The following ASB6 variants were observed in gnomAD, a reference collection of about 807,000 sequenced individuals.
ASB6 encodes ankyrin repeat and SOCS box protein 6.
Under a neutral mutation model 28.6 loss-of-function variants are expected in ASB6, and 24 were observed. The ratio of observed to expected loss-of-function variants is 0.84; its 90% CI spans 0.61 to 1.18. The LOEUF (loss-of-function observed/expected upper bound fraction) is 1.18. ASB6 is among the 50% of genes most tolerant of loss of function. The probability of loss-of-function intolerance (pLI) is 0.00; values close to 1 mark genes in which losing one functional copy is unlikely to be tolerated. For missense variants in ASB6, 519 were observed against 559.8 expected (o/e 0.93, Z 0.74); for synonymous variants, 267 against 243.4 (o/e 1.10, Z -0.90).
In ASB6 at chr9:129,642,031, G is replaced by C. The variant is rs759602092; in HGVS notation, c.-32C>G. The C allele has an allele frequency of 6.4e-7, 1 of 1,559,302 alleles. No individual in the cohort carries two copies. The highest frequency in any genetic ancestry group is 1.8e-5 in the Admixed American group (1 of 54,432). The stretch of plus-strand genomic sequence containing the variant: ...GGGCCCCGCGCAGCAGGGCCGTCGC[G>C]CTTTCTGCCGAGGCCGAGATGCCCA... On this transcript the variant is annotated 5_prime_UTR_variant, in exon 1 of 6. Coordinates refer to ENST00000277458, the MANE Select transcript of ASB6 (RefSeq NM_017873.4). This position sits in a 1 kb window ranked among gnomAD's most constrained non-coding sequence, Gnocchi z 4.3.
chr9:129,634,972 C>T lies in ASB6; in HGVS notation c.*2818G>A, dbSNP rs552653234. The T allele has an allele frequency of 2.1e-4, 115 of 548,708 alleles. 1 individual carries two copies. The South Asian group carries it at 2.5e-3, about 12-fold the overall frequency. The allele number at this position is 548,708 out of a possible 1,614,324, so 34.0% of individuals were successfully genotyped here. On this transcript the variant is annotated 3_prime_UTR_variant, in exon 6 of 6. Transcript: ENST00000277458. ...ATCAGGCAGGACTTGTAAGCCATCC[C>T]GTCAAGTCAAATTCTGGCTTAATGT...
Position 129,637,714 on chromosome 9 carries a change from T to C in ASB6, c.*76A>G. The C allele has an allele frequency of 7.2e-7, 1 of 1,385,392 alleles. No homozygotes were observed. The highest frequency in any genetic ancestry group is 9.7e-7 in the Non-Finnish European group (1 of 1,035,090). 85.8% of individuals were successfully genotyped at this position (1,385,392 alleles called of 1,614,324 possible). A position where few individuals can be genotyped will look rare whatever the true frequency, so the allele number is the denominator to read the frequency against. Reference sequence around the variant, plus strand: ...ATCTCCCAGATCAAAAAGACCCTCTTCTAATGCTGTCCCAGCATCTACCAA... The same window carrying C: ...ATCTCCCAGATCAAAAAGACCCTCTCCTAATGCTGTCCCAGCATCTACCAA... On this transcript the variant is annotated 3_prime_UTR_variant, in exon 6 of 6. Coordinates refer to ENST00000277458, the MANE Select transcript of ASB6 (RefSeq NM_017873.4).
Position 129,639,556 on chromosome 9 carries a change from T to C in ASB6, c.296-48A>G, listed in dbSNP as rs1164332449. 3 of 1,544,912 alleles carry C rather than the reference T, an allele frequency of 1.9e-6. No individual in the cohort carries two copies. The African/African-American group carries it at 4.1e-5, about 21-fold the overall frequency. ...TGTGGGTCCTATCTGTCCGCATTCT[T>C]ATGGGGCCCCCGGACCCAGAGCCCA... On this transcript the variant is annotated intron_variant, in intron 2 of 5. Coordinates refer to ENST00000277458, the MANE Select transcript of ASB6 (RefSeq NM_017873.4).
In ASB6 at chr9:129,637,889, C is replaced by T. The variant is rs200707909; in HGVS notation, c.1167G>A (p.Pro389=). The part of the protein sequence containing the change: ...CRVAIRLYLQ[P]WPVDVKVKAL... ...CTTTGACCTTCACATCCACAGGCCA[C>T]GGCTGAAGGTAGAGCCGGATGGCCA... The change falls in exon 6 of 6, where the codon CCG becomes CCA. Residue 389 remains proline, a synonymous_variant. Coordinates refer to ENST00000277458, the MANE Select transcript of ASB6 (RefSeq NM_017873.4). 1.8e-5 allele frequency: 29 copies of T among 1,569,042 alleles called. No homozygotes were observed. Among genetic ancestry groups the T allele is most frequent in the Non-Finnish European group, 2.3e-5 (27 of 1,157,242 alleles).
rs138905769 is a variant in ASB6 at position 129,638,672 on chromosome 9, GGA to G, written c.512-15_512-14del. ...AGAGCAGTTTTTCCTAGGGAGGGAG[GGA>G]GAGCAAGGAGGAGCAGGAGGCCAGG... On this transcript the variant is annotated splice_polypyrimidine_tract_variant and intron_variant, in intron 4 of 5. Transcript: ENST00000277458. The G allele has an allele frequency of 5.2e-3, 8,345 of 1,606,774 alleles. 353 individuals are homozygous for G. In the African/African-American group the frequency reaches 0.096, roughly 18 times the overall value.
rs374533917 is a variant in ASB6 at position 129,635,339 on chromosome 9, G to T, written c.*2451C>A. ...GATTCTGGACGACGTGGACAGCAGC[G>T]TGTGCCGGGACCTTGACGTGGTCCG... On this transcript the variant is annotated 3_prime_UTR_variant, in exon 6 of 6. Coordinates refer to ENST00000277458, the MANE Select transcript of ASB6 (RefSeq NM_017873.4). 1 of 1,613,846 alleles carries T rather than the reference G, an allele frequency of 6.2e-7. No homozygotes were observed. The highest frequency in any genetic ancestry group is 8.5e-7 in the Non-Finnish European group (1 of 1,180,038).
At chr9:129,641,208 C>A (rs41278728) in intron 1 of ASB6, 4,277 of 161,492 alleles carry the variant, frequency 0.026, 88 homozygotes, top group Non-Finnish European at 0.043. Context: ...AGAAAGCCTA[C>A]GTTTCCACCA....
At chr9:129,640,206 T>C (rs1831662515) in intron 2 of ASB6, among the ~76,000 whole-genome samples, 1 of 151,834 alleles carries the variant, frequency 6.6e-6, no homozygotes, top group African/African-American at 2.4e-5. Flanking sequence ...TAGCAGAAAA[T>C]TACCTTCCCT....
At position 129,639,225 on chromosome 9, in the gene ASB6, T is replaced by G; in HGVS notation, c.488A>C (p.Asp163Ala). The G allele has an allele frequency of 6.2e-7, 1 of 1,610,484 alleles. No individual in the cohort carries two copies. Among genetic ancestry groups the G allele is most frequent in the Non-Finnish European group, 8.5e-7 (1 of 1,178,750 alleles). The change falls in exon 4 of 6, where the codon GAT becomes GCT. Residue 163 changes from aspartate to alanine, a missense_variant. By Grantham distance (126) the Asp-to-Ala change is moderately radical (BLOSUM62 -2). Coordinates refer to ENST00000277458, the MANE Select transcript of ASB6 (RefSeq NM_017873.4). ...CLQRLLDLGA[D>A]VNAADKHGKT... The stretch of plus-strand genomic sequence containing the variant: ...ACCATGCTTGTCAGCGGCATTGACA[T>G]CAGCTCCAAGGTCCAGGAGGCGCTG...
chr9:129,635,265 G>C lies in ASB6; in HGVS notation c.*2525C>G, dbSNP rs1438440440. The C allele has an allele frequency of 6.2e-7, 1 of 1,613,140 alleles. No homozygotes were observed. Among genetic ancestry groups the C allele is most frequent in the African/African-American group, 1.3e-5 (1 of 74,898 alleles). On this transcript the variant is annotated 3_prime_UTR_variant, in exon 6 of 6. Transcript: ENST00000277458. ...CTGCGGCGCTGCAAGGGCAGCCTCC[G>C]CCCCAACGGCATCATCGTCATCAAA...
chr9:129,635,273 G>A lies in ASB6; in HGVS notation c.*2517C>T, dbSNP rs769980605. The A allele has an allele frequency of 1.7e-5, 27 of 1,613,396 alleles. No homozygotes were observed. Among genetic ancestry groups the A allele is most frequent in the Non-Finnish European group, 2.0e-5 (24 of 1,180,026 alleles). On this transcript the variant is annotated 3_prime_UTR_variant, in exon 6 of 6. Coordinates refer to ENST00000277458, the MANE Select transcript of ASB6 (RefSeq NM_017873.4). ...CTGCAAGGGCAGCCTCCGCCCCAAC[G>A]GCATCATCGTCATCAAAGACAACAT...
Position 129,642,128 on chromosome 9 carries a change from G to T in ASB6, c.-129C>A. ...CCAGTCCAGCCCCTGCGCCCGGCCG[G>T]GTCCGCTCCTCAGTCCAAGCCGCGC... On this transcript the variant is annotated 5_prime_UTR_variant, in exon 1 of 6. Coordinates refer to ENST00000277458, the MANE Select transcript of ASB6 (RefSeq NM_017873.4). The surrounding 1 kb of genome is among the most constrained non-coding windows in gnomAD (Gnocchi z 4.3). 1 of 1,336,708 alleles carries T rather than the reference G, an allele frequency of 7.5e-7. No homozygotes were observed. The highest frequency in any genetic ancestry group is 1.8e-5 in the South Asian group (1 of 55,948). The allele number at this position is 1,336,708 out of a possible 1,614,324, so 82.8% of individuals were successfully genotyped here.
chr9:129,635,188 C>A lies in ASB6; in HGVS notation c.*2602G>T. ...TCCGCTTGCATGGTGCCCTGGTAAC[C>A]TTGCCTCTGCCCTCCCCAGGCCACC... On this transcript the variant is annotated 3_prime_UTR_variant, in exon 6 of 6. Transcript: ENST00000277458. 6.3e-7 allele frequency: 1 copy of A among 1,597,800 alleles called. No individual in the cohort carries two copies. Among genetic ancestry groups the A allele is most frequent in the South Asian group, 1.1e-5 (1 of 90,504 alleles).
Position 129,635,505 on chromosome 9 carries a change from T to TG in ASB6, c.*2284dup, listed in dbSNP as rs775408144. 5 of 1,576,922 alleles carry TG rather than the reference T, an allele frequency of 3.2e-6. No individual in the cohort carries two copies. The highest frequency in any genetic ancestry group is 2.3e-5 in the South Asian group (2 of 86,708). Reference sequence around the variant, plus strand: ...AGAAACTGAGGAACCACAGTCCTGGTGGGGGGAGCTGGCAGCTGGGCAAGA... The same window carrying TG: ...AGAAACTGAGGAACCACAGTCCTGGTGGGGGGGAGCTGGCAGCTGGGCAAGA... On this transcript the variant is annotated 3_prime_UTR_variant, in exon 6 of 6. Transcript: ENST00000277458.
chr9:129,638,767 C>T, intron 4 of ASB6, 108 bp from the exon 5 acceptor site: 1 of 885,096 alleles, frequency 1.1e-6, no homozygotes, highest in Non-Finnish European at 1.8e-6. Context: ...AGAAGATGAA[C>T]TTTCAGAGAC....
At position 129,640,600 on chromosome 9, in the gene ASB6, A is replaced by G; in HGVS notation, c.236T>C (p.Leu79Pro). Residue 79 changes from leucine (L) to proline (P), a missense_variant, in exon 2 of 6, where the codon CTG (leucine) becomes CCG (proline). Physicochemically the swap from Leu to Pro is moderately conservative, Grantham distance 98. Transcript: ENST00000277458. ...AACGTCGGCCGCCCGCGTCAGCCCC[A>G]GCTCAGCCATCTTGAGCAGGGCGTT... ...VSNALLKMAE[L>P]GLTRAADVLL... 1 of 1,613,676 alleles carries G rather than the reference A, an allele frequency of 6.2e-7. No individual in the cohort carries two copies. Among genetic ancestry groups the G allele is most frequent in the Non-Finnish European group, 8.5e-7 (1 of 1,179,910 alleles).
Position 129,638,332 on chromosome 9 carries a change from C to T in ASB6, c.724G>A (p.Val242Ile), listed in dbSNP as rs1438843773. ...CCGTGTGCCAGCAGCAGCCGTGTGA[C>T]TTGGAAGCAGAAGCGGTTGATCATC... ...AQMINRFCFQ[V>I]TRLLLAHGAD... The change falls in exon 6 of 6, where the codon GTC (valine) becomes ATC (isoleucine). Residue 242 changes from valine (V) to isoleucine (I), a missense_variant. Coordinates refer to ENST00000277458, the MANE Select transcript of ASB6 (RefSeq NM_017873.4). 2 of 1,612,964 alleles carry T rather than the reference C, an allele frequency of 1.2e-6. No individual in the cohort carries two copies. Among genetic ancestry groups the T allele is most frequent in the East Asian group, 2.2e-5 (1 of 44,890 alleles).
intron 2 of ASB6, 29 bp downstream of exon 2, chr9:129,640,512 A>C (rs1038825246): frequency 6.3e-7 from 1 of 1,589,682 alleles, no homozygotes; most frequent in South Asian, 1.1e-5. Context: ...CGTTTAAGCC[A>C]CCTGCCCACC....
At position 129,638,241 on chromosome 9, in the gene ASB6, A is replaced by G; in HGVS notation, c.815T>C (p.Leu272Pro). 1 of 1,613,466 alleles carries G rather than the reference A, an allele frequency of 6.2e-7. No individual in the cohort carries two copies. The highest frequency in any genetic ancestry group is 8.5e-7 in the Non-Finnish European group (1 of 1,179,866). ...GAGGAAGCGCAGGAGAGGGAAGTGC[A>G]GTTTAAAGCTCTTCAGGCAGATGTG... The part of the protein sequence containing the change: ...LTHICLKSFK[L>P]HFPLLRFLLE... The change falls in exon 6 of 6, where the codon CTG (leucine) becomes CCG (proline). Residue 272 changes from leucine (L) to proline (P), a missense_variant. Transcript: ENST00000277458.
Sources: allele counts gnomAD v4.1 joint callset (sites outside exome capture counted in the v4.1 genomes callset), GRCh38; gene constraint gnomAD v4.1.1; non-coding constraint Gnocchi (gnomAD v3.1); transcripts MANE v1.5; gene names NCBI Gene and HGNC (gene_info 2026-07-23, HGNC 2026-07-21).